ARHGEF3: variants seen among roughly 807,000 people sequenced by gnomAD.
ARHGEF3 encodes the protein 59.8 kDA protein.
ARHGEF3 carries 28 observed loss-of-function variants against 63.2 expected under a neutral mutation model. That is an observed-to-expected ratio of 0.44 (90% CI 0.33 to 0.61). ARHGEF3 has a LOEUF of 0.61. Ranked by LOEUF, ARHGEF3 falls within the 20% of genes least tolerant of loss-of-function variation. The pLI is 0.03. For missense variants in ARHGEF3, 533 were observed against 659.3 expected (o/e 0.81, Z 2.10); for synonymous variants, 266 against 254.2 (o/e 1.05, Z -0.44).
At chr3:56,939,298 T>A (rs1299664503) in intron 3 of ARHGEF3, among the ~76,000 whole-genome samples, 2 of 152,160 alleles carry the variant, frequency 1.3e-5, no homozygotes, top group Non-Finnish European at 2.9e-5. Context: ...TCTAAATAGG[T>A]ATGTTCCCTC....
intron 1 of ARHGEF3, among the ~76,000 whole-genome samples, chr3:57,042,698 A>ATT (rs1235160376): frequency 2.4e-4 from 10 of 41,404 alleles, no homozygotes; most frequent in Non-Finnish European, 4.3e-4. Context: ...ATATATATAT[A>ATT]TATTTTTTTT....
chr3:56,827,791 A>AAT (rs1307962375), intron 4 of ARHGEF3, among the ~76,000 whole-genome samples: 2 of 147,860 alleles, frequency 1.4e-5, no homozygotes, highest in African/African-American at 5.0e-5. Context: ...GAAAAAAAAA[A>AAT]GCCAGGCATG....
intron 4 of ARHGEF3, among the ~76,000 whole-genome samples, chr3:56,838,266 T>A (rs2039186430): frequency 6.6e-6 from 1 of 152,164 alleles, no homozygotes. Context: ...TAGATCAATG[T>A]TTACCAAATT....
chr3:56,989,905 C>T (rs1211682381), intron 2 of ARHGEF3, among the ~76,000 whole-genome samples: 1 of 152,244 alleles, frequency 6.6e-6, no homozygotes, highest in Non-Finnish European at 1.5e-5. Context: ...ATGGGAGCCG[C>T]TATTTACCAA....
intron 3 of ARHGEF3, among the ~76,000 whole-genome samples, chr3:56,946,250 C>T (rs1017683257): frequency 7.9e-5 from 12 of 152,330 alleles, no homozygotes; most frequent in Middle Eastern, 3.4e-3. Context: ...TACAGCTCCT[C>T]ACCAGCAATG....
At chr3:56,880,808 A>G (rs544492418) in intron 4 of ARHGEF3, among the ~76,000 whole-genome samples, 2 of 152,260 alleles carry the variant, frequency 1.3e-5, no homozygotes, top group African/African-American at 2.4e-5. Context: ...CAATAACAAA[A>G]TATTCAATGA....
At chr3:57,023,729 G>T (rs1418237956) in intron 2 of ARHGEF3, among the ~76,000 whole-genome samples, 1 of 152,184 alleles carries the variant, frequency 6.6e-6, no homozygotes, top group African/African-American at 2.4e-5. Context: ...CACATGGTTT[G>T]CTCTTTACCT....
At chr3:56,848,906 T>G (rs1464571459) in intron 4 of ARHGEF3, among the ~76,000 whole-genome samples, 1 of 152,138 alleles carries the variant, frequency 6.6e-6, no homozygotes, top group Non-Finnish European at 1.5e-5. Context: ...TGGCCTCAGG[T>G]GAGCCACCCC....
intron 1 of ARHGEF3, among the ~76,000 whole-genome samples, chr3:56,777,405 TTTAA>T (rs1392869173): frequency 1.3e-5 from 2 of 152,250 alleles, no homozygotes; most frequent in Non-Finnish European, 2.9e-5. Flanking sequence ...ATATCTTGTG[TTTAA>T]TTATGAACAA....
intron 3 of ARHGEF3, among the ~76,000 whole-genome samples, chr3:56,943,390 T>G (rs962514709): frequency 6.6e-6 from 1 of 152,218 alleles, no homozygotes; most frequent in African/African-American, 2.4e-5. Flanking sequence ...GCACATCTGT[T>G]TGCAGGATGA....
chr3:56,851,837 A>AG (rs748930107), intron 4 of ARHGEF3, among the ~76,000 whole-genome samples: 32 of 134,890 alleles, frequency 2.4e-4, no homozygotes, highest in Non-Finnish European at 3.7e-4. Context: ...TTGAACTCCC[A>AG]GGCTCAAGTG....
chr3:56,841,001 C>G (rs975732579), intron 4 of ARHGEF3, among the ~76,000 whole-genome samples: 1 of 152,100 alleles, frequency 6.6e-6, no homozygotes, highest in South Asian at 2.1e-4. Context: ...CTGTTTGCAC[C>G]AGAATATGTC....
intron 3 of ARHGEF3, among the ~76,000 whole-genome samples, chr3:56,933,702 G>A (rs1002042608): frequency 1.3e-5 from 2 of 152,168 alleles, no homozygotes; most frequent in Non-Finnish European, 2.9e-5. Flanking sequence ...TTACAGGCTT[G>A]AGCCTCCATG....
chr3:56,747,473 G>C (rs2034460222), intron 6 of ARHGEF3, among the ~76,000 whole-genome samples: 1 of 152,170 alleles, frequency 6.6e-6, no homozygotes, highest in African/African-American at 2.4e-5. Context: ...ACTACACAGG[G>C]TGAATAATGT....
chr3:56,958,330 T>TC, intron 3 of ARHGEF3, among the ~76,000 whole-genome samples: 1 of 150,988 alleles, frequency 6.6e-6, no homozygotes, highest in Non-Finnish European at 1.5e-5. Flanking sequence ...TTTTTTTTTT[T>TC]TTTTTTTTTT....
chr3:56,998,850 G>A (rs536688408), intron 2 of ARHGEF3, among the ~76,000 whole-genome samples: 1 of 152,268 alleles, frequency 6.6e-6, no homozygotes, highest in African/African-American at 2.4e-5. Context: ...ATACCCTGAA[G>A]CAGATCCCAT....
At chr3:56,968,227 TA>T (rs1700722210) in intron 2 of ARHGEF3, among the ~76,000 whole-genome samples, 1 of 42,248 alleles carries the variant, frequency 2.4e-5, no homozygotes, top group African/African-American at 8.0e-5. Flanking sequence ...ATATATAATA[TA>T]TATATAAATA....
At chr3:56,856,572 C>A (rs1339429186) in intron 4 of ARHGEF3, among the ~76,000 whole-genome samples, 2 of 151,942 alleles carry the variant, frequency 1.3e-5, no homozygotes. Flanking sequence ...ATGTCCCAAC[C>A]CCTCTCCCTG....
At chr3:56,995,620 C>CGAGA (rs66778716) in intron 2 of ARHGEF3, among the ~76,000 whole-genome samples, 2,771 of 112,900 alleles carry the variant, frequency 0.025, 76 homozygotes, top group Middle Eastern at 0.038. Flanking sequence ...GTAAATTTTC[C>CGAGA]GAGAGAGAGA....
Sources: allele counts gnomAD v4.1 joint callset (sites outside exome capture counted in the v4.1 genomes callset), GRCh38; gene constraint gnomAD v4.1.1; transcripts MANE v1.5; gene names NCBI Gene and HGNC (gene_info 2026-07-23, HGNC 2026-07-21).